NRG3: variants seen among roughly 807,000 people sequenced by gnomAD.
NRG3 encodes pro-neuregulin-3, membrane-bound isoform.
A neutral mutation model predicts 66.9 loss-of-function variants in NRG3; 31 were observed. The ratio of observed to expected loss-of-function variants is 0.46; its 90% CI spans 0.35 to 0.63. The LOEUF (loss-of-function observed/expected upper bound fraction) is 0.63. NRG3 is among the 20% of genes least tolerant of loss of function. The pLI, the probability that NRG3 is intolerant of heterozygous loss-of-function variation, is 0.00. For synonymous variants in NRG3, 393 were observed against 359.4 expected, an observed-to-expected ratio of 1.09 and a Z score of -1.06; for missense variants, 910 against 878.9, an observed-to-expected ratio of 1.04 and a Z score of -0.45.
chr10:82,229,391 G>T (rs2076335351), intron 1 of NRG3, among the ~76,000 whole-genome samples: 1 of 152,066 alleles, frequency 6.6e-6, no homozygotes. Flanking sequence ...GCAGACATTT[G>T]GGAAACAGAA....
At chr10:82,176,906 A>ACACACACACACACAC (rs1251109253) in intron 1 of NRG3, among the ~76,000 whole-genome samples, 62 of 51,574 alleles carry the variant, frequency 1.2e-3, no homozygotes, top group East Asian at 3.9e-3. Flanking sequence ...CACACACACA[A>ACACACACACACACAC]ACACACACAC....
chr10:82,011,797 C>T (rs191805308), intron 1 of NRG3, among the ~76,000 whole-genome samples: 27 of 152,308 alleles, frequency 1.8e-4, no homozygotes, highest in East Asian at 1.4e-3. Context: ...GTCATGCTGA[C>T]GGAAGAGATG....
At position 82,625,613 on chromosome 10, in the gene NRG3, T is replaced by A. The variant is rs190889655; in HGVS notation, c.954-112964T>A. 2.1e-4 allele frequency among the ~76,000 whole-genome samples: 32 copies of A among 152,286 alleles called. No individual in the cohort carries two copies. In the South Asian group the frequency reaches 3.1e-3, roughly 15 times the overall value. On this transcript the variant is annotated intron_variant, in intron 2 of 8. Transcript: ENST00000372141. ...TTGTCCTTGTTTTCCATCTGTCTGG[T>A]CTTTGGAAAGCAGAACAGATGTAAA... is the stretch of plus-strand genomic sequence containing the variant.
intron 2 of NRG3, among the ~76,000 whole-genome samples, chr10:82,586,813 G>T (rs915982964): frequency 6.6e-6 from 1 of 152,072 alleles, no homozygotes; most frequent in Admixed American, 6.5e-5. Context: ...GCTCAGGCTT[G>T]TAGAATTTAT....
At chr10:82,967,290 T>G (rs1003108818) in intron 6 of NRG3, among the ~76,000 whole-genome samples, 5 of 151,882 alleles carry the variant, frequency 3.3e-5, no homozygotes, top group African/African-American at 1.2e-4. Flanking sequence ...TGTAAGCATC[T>G]GTATCTGTAT....
chr10:81,914,838 G>A (rs1052696161), intron 1 of NRG3, among the ~76,000 whole-genome samples: 2 of 151,060 alleles, frequency 1.3e-5, no homozygotes, highest in Non-Finnish European at 2.9e-5. Context: ...CATTTACTGG[G>A]TGTAAACTCT....
At chr10:82,678,276 C>G (rs912559553) in intron 2 of NRG3, among the ~76,000 whole-genome samples, 3 of 151,644 alleles carry the variant, frequency 2.0e-5, no homozygotes, top group Non-Finnish European at 2.9e-5. Context: ...GGGTTGAGTC[C>G]GAAAAAGAGA....
intron 1 of NRG3, among the ~76,000 whole-genome samples, chr10:81,903,210 T>A (rs74991405): frequency 0.019 from 2,853 of 152,228 alleles, 75 homozygotes; most frequent in African/African-American, 0.063. Flanking sequence ...ATGGATTTTT[T>A]AAAAAATTTT....
chr10:82,074,257 G>A (rs192750083), intron 1 of NRG3, among the ~76,000 whole-genome samples: 2 of 152,230 alleles, frequency 1.3e-5, no homozygotes, highest in Non-Finnish European at 2.9e-5. Context: ...GCTGTGCTCA[G>A]GGATGAGTAT....
chr10:82,351,634 G>A (rs1043222058), intron 1 of NRG3, among the ~76,000 whole-genome samples: 2 of 152,122 alleles, frequency 1.3e-5, no homozygotes, highest in Non-Finnish European at 2.9e-5. Flanking sequence ...GAAGGTATTG[G>A]GGTTTCTACA....
intron 1 of NRG3, among the ~76,000 whole-genome samples, chr10:82,131,583 T>G (rs919020727): frequency 1.3e-5 from 2 of 152,150 alleles, no homozygotes; most frequent in African/African-American, 4.8e-5. Flanking sequence ...AGAATGTTAT[T>G]GGTATTATGA....
intron 4 of NRG3, among the ~76,000 whole-genome samples, chr10:82,913,175 G>A (rs7094991): frequency 0.36 from 54,414 of 151,730 alleles, 10,174 homozygotes; most frequent in East Asian, 0.54. Context: ...CAGTGAGCTG[G>A]GATCATGCCA....
intron 1 of NRG3, among the ~76,000 whole-genome samples, chr10:82,331,049 C>T (rs185626065): frequency 5.9e-5 from 9 of 152,268 alleles, no homozygotes; most frequent in South Asian, 2.1e-4. Context: ...CTGTATTCTA[C>T]GGCATGAAAA....
intron 1 of NRG3, among the ~76,000 whole-genome samples, chr10:82,044,626 G>A (rs1311088650): frequency 2.0e-5 from 3 of 151,892 alleles, no homozygotes; most frequent in African/African-American, 4.8e-5. Context: ...TGCACAATGT[G>A]CAGGTTAGTT....
At chr10:81,877,582 A>G in intron 1 of NRG3, 4 of 692,504 alleles carry the variant, frequency 5.8e-6, no homozygotes, top group Non-Finnish European at 7.3e-6. Context: ...TTTCTTTTTA[A>G]AGAATGTAGT....
chr10:82,455,412 A>G (rs1342210486), intron 2 of NRG3, among the ~76,000 whole-genome samples: 1 of 152,170 alleles, frequency 6.6e-6, no homozygotes, highest in Non-Finnish European at 1.5e-5. Context: ...GTATCTGAAC[A>G]TGTGTAAACA....
chr10:82,796,687 G>A (rs941040146), intron 3 of NRG3, among the ~76,000 whole-genome samples: 1 of 152,134 alleles, frequency 6.6e-6, no homozygotes, highest in Non-Finnish European at 1.5e-5. Context: ...AATGACAGGA[G>A]AGGGAGCCCT....
chr10:82,577,228 T>A (rs894110891), intron 2 of NRG3, among the ~76,000 whole-genome samples: 8 of 151,806 alleles, frequency 5.3e-5, no homozygotes, highest in Non-Finnish European at 1.0e-4. Context: ...ATTGTGAGCA[T>A]GACTTTTATA....
chr10:82,937,319 G>T (rs1175665832), intron 4 of NRG3, among the ~76,000 whole-genome samples: 1 of 152,174 alleles, frequency 6.6e-6, no homozygotes, highest in Non-Finnish European at 1.5e-5. Flanking sequence ...CAGTGACCCA[G>T]TAGGCAGATA....
Sources: allele counts gnomAD v4.1 joint callset (sites outside exome capture counted in the v4.1 genomes callset), GRCh38; gene constraint gnomAD v4.1.1; transcripts MANE v1.5; gene names NCBI Gene and HGNC (gene_info 2026-07-23, HGNC 2026-07-21).